Variants in TTPA observed in about 807,000 individuals in gnomAD.
The protein encoded by TTPA is alpha tocopherol transfer protein.
A neutral mutation model predicts 25.9 loss-of-function variants in TTPA; 23 were observed. The ratio of observed to expected loss-of-function variants is 0.89; its 90% CI spans 0.64 to 1.26. The LOEUF (loss-of-function observed/expected upper bound fraction) is 1.26. Among genes scored for constraint, TTPA ranks in the 50% most tolerant of loss-of-function variants. The pLI, the probability that TTPA is intolerant of heterozygous loss-of-function variation, is 0.00. For missense variants in TTPA, 337 were observed against 353.1 expected, an observed-to-expected ratio of 0.95 and a Z score of 0.37; for synonymous variants, 148 against 137.3, an observed-to-expected ratio of 1.08 and a Z score of -0.54.
chr8:63,085,231 A>G (rs896133590), intron 1 of TTPA, among the ~76,000 whole-genome samples: 2 of 152,172 alleles, frequency 1.3e-5, no homozygotes, highest in Non-Finnish European at 2.9e-5. Context: ...TCTTTCAGTG[A>G]GCTGTAACAT....
chr8:63,073,226 T>C, intron 1 of TTPA, 138 bp from the exon 2 acceptor site: 1 of 723,684 alleles, frequency 1.4e-6, no homozygotes, highest in South Asian at 1.8e-5. Context: ...TCTTTTCAGC[T>C]GTGAAAACTG....
rs1368032681 is a variant in TTPA at position 63,085,899 on chromosome 8, C to A, written c.123G>T (p.Pro41=). The change falls in exon 1 of 5, where the codon CCG becomes CCT. Residue 41 remains proline (P), a synonymous_variant. Coordinates refer to ENST00000260116, the MANE Select transcript of TTPA (RefSeq NM_000370.3). ...AGTCGGTGAGCGGCAGCGGCGCGAG[C>A]GGGACGCCAGCTTCCCGGGCCCGGC... is the stretch of plus-strand genomic sequence containing the variant. ...LRRRAREAGV[P]LAPLPLTDSF... 3 of 1,529,376 alleles carry A rather than the reference C, an allele frequency of 2.0e-6. No homozygotes were observed. Among genetic ancestry groups the A allele is most frequent in the African/African-American group, 2.8e-5 (2 of 71,510 alleles). The allele number at this position is 1,529,376 out of a possible 1,614,324, so 94.7% of individuals were successfully genotyped here. A position where few individuals can be genotyped will look rare whatever the true frequency, so the allele number is the denominator to read the frequency against.
At chr8:63,062,413 C>T (rs1805321351) in intron 4 of TTPA, among the ~76,000 whole-genome samples, 1 of 152,128 alleles carries the variant, frequency 6.6e-6, no homozygotes, top group African/African-American at 2.4e-5. Flanking sequence ...ATGTATTCAA[C>T]AATCATTTAA....
At chr8:63,067,951 C>T (rs1259311795) in intron 2 of TTPA, among the ~76,000 whole-genome samples, 2 of 152,108 alleles carry the variant, frequency 1.3e-5, no homozygotes, top group Non-Finnish European at 2.9e-5. Context: ...TAATGTCATT[C>T]GTTTTATGGC....
intron 2 of TTPA, among the ~76,000 whole-genome samples, chr8:63,066,719 C>A (rs546833234): frequency 2.0e-5 from 3 of 152,264 alleles, no homozygotes; most frequent in African/African-American, 7.2e-5. Flanking sequence ...TCCCTTCCCA[C>A]CACCCCAGGA....
Position 63,078,235 on chromosome 8 carries a change from A to C in TTPA, c.205-5147T>G, listed in dbSNP as rs182434806. 5.3e-3 allele frequency among the ~76,000 whole-genome samples: 803 copies of C among 152,366 alleles called. 9 individuals carry two copies. The highest frequency in any genetic ancestry group is 0.019 in the African/African-American group (781 of 41,594). ...AAAACCACAAAGATGGGGAGAAACC[A>C]GAGCAGAAAAGCTGAAAATTCTAAA... On this transcript the variant is annotated intron_variant, in intron 1 of 4. Coordinates refer to ENST00000260116, the MANE Select transcript of TTPA (RefSeq NM_000370.3).
chr8:63,065,879 C>T (rs1439255060), intron 3 of TTPA, 25 bp downstream of exon 3: 1 of 1,609,792 alleles, frequency 6.2e-7, no homozygotes, highest in South Asian at 1.1e-5. Flanking sequence ...AAGTATTATG[C>T]CTGACAGTTA....
intron 1 of TTPA, among the ~76,000 whole-genome samples, chr8:63,074,783 TG>T: frequency 6.6e-6 from 1 of 151,824 alleles, no homozygotes; most frequent in East Asian, 1.9e-4. Context: ...AGAAATAATG[TG>T]TTTTTTTTTC....
Position 63,061,154 on chromosome 8 carries a change from T to G in TTPA, c.*98A>C. Reference sequence around the variant, plus strand: ...ACATTTTTAAAGTTCAGGCAAGCATTAGTTTAAAAGATTTGCTCCTTTTCT... The same window carrying G: ...ACATTTTTAAAGTTCAGGCAAGCATGAGTTTAAAAGATTTGCTCCTTTTCT... On this transcript the variant is annotated 3_prime_UTR_variant, in exon 5 of 5. Transcript: ENST00000260116. 1.6e-6 allele frequency: 2 copies of G among 1,231,274 alleles called. No homozygotes were observed. The highest frequency in any genetic ancestry group is 2.3e-6 in the Non-Finnish European group (2 of 856,636). 76.3% of individuals were successfully genotyped at this position (1,231,274 alleles called of 1,614,324 possible).
intron 2 of TTPA, 140 bp downstream of exon 2, chr8:63,072,795 C>G (rs1411773134): frequency 1.4e-5 from 14 of 973,462 alleles, no homozygotes; most frequent in African/African-American, 1.6e-5. Flanking sequence ...AATTAAAGCC[C>G]AAATTCCTAA....
At position 63,085,959 on chromosome 8, in the gene TTPA, A is replaced by C. The variant is rs2129796499; in HGVS notation, c.63T>G (p.Ser21=). Residue 21 remains serine (S), a synonymous_variant, in exon 1 of 5, where the codon TCT becomes TCG. Coordinates refer to ENST00000260116, the MANE Select transcript of TTPA (RefSeq NM_000370.3). ...CCGCCAGGCCCGGCTGCAGCAACGG[A>C]GAGTGGTCCGGTAGCGCGTTGAGCT... ...GPQLNALPDH[S]PLLQPGLAAL... 6.6e-7 allele frequency: 1 copy of C among 1,525,550 alleles called. No individual in the cohort carries two copies. Among genetic ancestry groups the C allele is most frequent in the Non-Finnish European group, 8.7e-7 (1 of 1,144,868 alleles). The allele number at this position is 1,525,550 out of a possible 1,614,324, so 94.5% of individuals were successfully genotyped here.
chr8:63,066,809 T>G (rs973046752), intron 2 of TTPA, among the ~76,000 whole-genome samples: 3 of 152,020 alleles, frequency 2.0e-5, no homozygotes, highest in Non-Finnish European at 4.4e-5. Flanking sequence ...TCCTTAAAAA[T>G]TAGAATATTA....
At chr8:63,069,940 A>ATGTATTGAGTGCT (rs1805458195) in intron 2 of TTPA, among the ~76,000 whole-genome samples, 1 of 152,200 alleles carries the variant, frequency 6.6e-6, no homozygotes, top group South Asian at 2.1e-4. Flanking sequence ...TCTACTTAAT[A>ATGTATTGAGTGCT]TGTATTGAGT....
intron 1 of TTPA, 93 bp downstream of exon 1, chr8:63,085,725 G>A (rs1420299328): frequency 6.9e-7 from 1 of 1,457,522 alleles, no homozygotes; most frequent in African/African-American, 1.4e-5. Context: ...CTGCACCCTG[G>A]GCTTCGGCAG....
At chr8:63,061,534 A>G (rs1304577433) in intron 4 of TTPA, 109 bp from the exon 5 acceptor site, 5 of 894,120 alleles carry the variant, frequency 5.6e-6, no homozygotes, top group Non-Finnish European at 8.8e-6. Flanking sequence ...GGAGTGTATA[A>G]ATAGATACCA....
intron 1 of TTPA, among the ~76,000 whole-genome samples, chr8:63,080,615 G>A (rs1379393708): frequency 6.6e-6 from 1 of 151,778 alleles, no homozygotes; most frequent in Non-Finnish European, 1.5e-5. Context: ...CCAGCTACTG[G>A]GAGGCTGAGG....
At chr8:63,071,007 C>A (rs7003272) in intron 2 of TTPA, among the ~76,000 whole-genome samples, 2,599 of 152,050 alleles carry the variant, frequency 0.017, 80 homozygotes, top group African/African-American at 0.06. Context: ...AACTGGGCAT[C>A]CTTTATTTTT....
At chr8:63,067,825 A>T (rs1805421029) in intron 2 of TTPA, among the ~76,000 whole-genome samples, 1 of 152,052 alleles carries the variant, frequency 6.6e-6, no homozygotes, top group Non-Finnish European at 1.5e-5. Flanking sequence ...TGTCATAAAC[A>T]CCCAGTGTTT....
At chr8:63,082,176 A>G (rs1309853442) in intron 1 of TTPA, among the ~76,000 whole-genome samples, 1 of 152,204 alleles carries the variant, frequency 6.6e-6, no homozygotes, top group Non-Finnish European at 1.5e-5. Context: ...AAGAGCCCAC[A>G]TTGCCAAGAC....
Sources: allele counts gnomAD v4.1 joint callset (sites outside exome capture counted in the v4.1 genomes callset), GRCh38; gene constraint gnomAD v4.1.1; transcripts MANE v1.5; gene names NCBI Gene and HGNC (gene_info 2026-07-23, HGNC 2026-07-21).